KCNJ5: variants seen among roughly 807,000 people sequenced by gnomAD.
The protein encoded by KCNJ5 is potassium inwardly rectifying channel subfamily J member 5.
KCNJ5 carries 12 observed loss-of-function variants against 20.2 expected under a neutral mutation model. The ratio of observed to expected loss-of-function variants is 0.59; its 90% CI spans 0.38 to 0.96. The LOEUF is 0.96. Ranked by LOEUF, KCNJ5 falls within the 40% of genes least tolerant of loss-of-function variation. The pLI, the probability that KCNJ5 is intolerant of heterozygous loss-of-function variation, is 0.00. For missense variants in KCNJ5, 449 were observed against 557.6 expected (o/e 0.81, Z 1.96); for synonymous variants, 210 against 213.9 (o/e 0.98, Z 0.16).
intron 2 of KCNJ5, among the ~76,000 whole-genome samples, chr11:128,915,791 TTGGATGGATGGATGGA>T (rs199516705): frequency 5.0e-4 from 74 of 148,058 alleles, no homozygotes; most frequent in South Asian, 2.6e-3. Flanking sequence ...GTATGGATAA[TTGGATGGATGGATGGA>T]TGGATGGATG....
At chr11:128,897,816 C>T (rs570173106) in intron 1 of KCNJ5, among the ~76,000 whole-genome samples, 1 of 152,302 alleles carries the variant, frequency 6.6e-6, no homozygotes, top group East Asian at 1.9e-4. Context: ...TTTGAATTAA[C>T]TTTGGTATAA....
chr11:128,909,653 C>A (rs1159277379), intron 1 of KCNJ5, among the ~76,000 whole-genome samples: 2 of 152,174 alleles, frequency 1.3e-5, no homozygotes, highest in Admixed American at 6.5e-5. Context: ...GGGCTCAGGC[C>A]TGCAGGAAAA....
At position 128,911,408 on chromosome 11, in the gene KCNJ5, G is replaced by A; in HGVS notation, c.135G>A (p.Glu45=). The A allele has an allele frequency of 1.9e-6, 3 of 1,614,266 alleles. No homozygotes were observed. The highest frequency in any genetic ancestry group is 2.5e-6 in the Non-Finnish European group (3 of 1,180,054). The change falls in exon 2 of 3, where the codon GAG becomes GAA. Residue 45 remains glutamate (E), a synonymous_variant. Coordinates refer to ENST00000529694, the MANE Select transcript of KCNJ5 (RefSeq NM_000890.5). The surrounding 1 kb of genome is among the most constrained non-coding windows in gnomAD (Gnocchi z 6.3). ...CAGACCGTACGCGCCTGCTGGCCGA[G>A]GGCAAGAAGCCACGCCAGCGCTACA... ...IATDRTRLLA[E]GKKPRQRYME... is the part of the protein sequence containing the mutation.
intron 2 of KCNJ5, among the ~76,000 whole-genome samples, chr11:128,912,504 T>G (rs914095976): frequency 3.9e-5 from 2 of 51,584 alleles, no homozygotes; most frequent in African/African-American, 2.0e-4. Context: ...ATTGTTGTTG[T>G]TGTTTTGTTT....
Position 128,891,363 on chromosome 11 carries a change from C to A in KCNJ5, c.-369C>A, listed in dbSNP as rs1394661854. 4 of 141,192 alleles carry A rather than the reference C, an allele frequency of 2.8e-5. No homozygotes were observed. Among genetic ancestry groups the A allele is most frequent in the Non-Finnish European group, 4.5e-5 (3 of 65,982 alleles). 8.7% of individuals were successfully genotyped at this position (141,192 alleles called of 1,614,324 possible). The stretch of plus-strand genomic sequence containing the variant: ...GTTACTACCCAGAGATTCATTTGTA[C>A]CAGGGACGGAGGGAGAGAGGAGAGG... On this transcript the variant is annotated 5_prime_UTR_variant, in exon 1 of 3. Transcript: ENST00000529694.
Position 128,911,963 on chromosome 11 carries a change from G to C in KCNJ5, c.690G>C (p.Val230=), listed in dbSNP as rs144539417. ...RVGDLRNSHI[V]EASIRAKLIK... ...GCGACCTCCGCAACTCCCACATCGT[G>C]GAGGCCTCCATCCGGGCCAAGCTCA... Residue 230 remains valine (V), a synonymous_variant, in exon 2 of 3, where the codon GTG becomes GTC. Coordinates refer to ENST00000529694, the MANE Select transcript of KCNJ5 (RefSeq NM_000890.5). The surrounding 1 kb of genome is among the most constrained non-coding windows in gnomAD (Gnocchi z 6.3). 14 of 1,600,648 alleles carry C rather than the reference G, an allele frequency of 8.7e-6. No homozygotes were observed. The highest frequency in any genetic ancestry group is 1.2e-5 in the Non-Finnish European group (14 of 1,171,678).
In KCNJ5 at chr11:128,892,117, C is replaced by T. The variant is rs144842566; in HGVS notation, c.-11+396C>T. On this transcript the variant is annotated intron_variant, in intron 1 of 2. Coordinates refer to ENST00000529694, the MANE Select transcript of KCNJ5 (RefSeq NM_000890.5). ...GGGAGGGCCAGGATGGGGGGCGGTG[C>T]CCCCCTCAGCCTTAGATCCCCAGCC... 2.9e-3 allele frequency among the ~76,000 whole-genome samples: 444 copies of T among 152,318 alleles called. 1 individual carries two copies. The highest frequency in any genetic ancestry group is 0.01 in the African/African-American group (421 of 41,570).
intron 1 of KCNJ5, chr11:128,903,304 G>A (rs1427979102): frequency 1.3e-5 from 21 of 1,576,710 alleles, no homozygotes; most frequent in South Asian, 4.5e-5. Context: ...CTAATTGCAC[G>A]TGACCAAGAA....
rs1565540357 is a variant in KCNJ5 at position 128,891,423 on chromosome 11, C to CAGAGAGAGAGAG, written c.-308_-307insGAGAGAGAGAGA. 1 of 108,622 alleles carries CAGAGAGAGAGAG rather than the reference C, an allele frequency of 9.2e-6. No individual in the cohort carries two copies. Among genetic ancestry groups the CAGAGAGAGAGAG allele is most frequent in the Admixed American group, 9.3e-5 (1 of 10,776 alleles). 6.7% of individuals were successfully genotyped at this position (108,622 alleles called of 1,614,324 possible). A position where few individuals can be genotyped will look rare whatever the true frequency, so the allele number is the denominator to read the frequency against. On this transcript the variant is annotated 5_prime_UTR_variant, in exon 1 of 3. Transcript: ENST00000529694. ...ACACACACACACACACACACACACACACACACACACACACACACAGAGAGA... is the reference window on the plus strand; with the variant it reads ...ACACACACACACACACACACACACACAGAGAGAGAGAGACACACACACACACACACAGAGAGA...
intron 1 of KCNJ5, among the ~76,000 whole-genome samples, chr11:128,907,094 T>G (rs1027824733): frequency 1.5e-4 from 23 of 152,056 alleles, no homozygotes; most frequent in Admixed American, 1.5e-3. Flanking sequence ...CACAGAAGAG[T>G]ATACAAATAT....
In KCNJ5 at chr11:128,918,054, C is replaced by CAA. The variant is rs35006982; in HGVS notation, c.*1336_*1337dup. 15 of 97,458 alleles carry CAA rather than the reference C, an allele frequency of 1.5e-4. No individual in the cohort carries two copies. Among genetic ancestry groups the CAA allele is most frequent in the African/African-American group, 3.2e-4 (8 of 25,076 alleles). The allele number at this position is 97,458 out of a possible 1,614,324, so 6.0% of individuals were successfully genotyped here. A position where few individuals can be genotyped will look rare whatever the true frequency, so the allele number is the denominator to read the frequency against. ...TGGGCGACAGAGCGAGACTCCATCTCAAAAAAAAAAAAAACATCAGCATCT... is the reference window on the plus strand; with the variant it reads ...TGGGCGACAGAGCGAGACTCCATCTCAAAAAAAAAAAAAAAACATCAGCATCT... On this transcript the variant is annotated 3_prime_UTR_variant, in exon 3 of 3. Coordinates refer to ENST00000529694, the MANE Select transcript of KCNJ5 (RefSeq NM_000890.5).
chr11:128,899,129 A>AG (rs1286131048), intron 1 of KCNJ5, among the ~76,000 whole-genome samples: 1 of 152,178 alleles, frequency 6.6e-6, no homozygotes, highest in Non-Finnish European at 1.5e-5. Flanking sequence ...GTGTGAGTCA[A>AG]GGGCCACTCA....
rs35006982 is a variant in KCNJ5 at position 128,918,054 on chromosome 11, C to CA, written c.*1337dup. The CA allele has an allele frequency of 0.014, 1,326 of 97,392 alleles. 19 individuals are homozygous for CA. Among genetic ancestry groups the CA allele is most frequent in the African/African-American group, 0.046 (1,154 of 25,056 alleles). The allele number at this position is 97,392 out of a possible 1,614,324, so 6.0% of individuals were successfully genotyped here. A position where few individuals can be genotyped will look rare whatever the true frequency, so the allele number is the denominator to read the frequency against. On this transcript the variant is annotated 3_prime_UTR_variant, in exon 3 of 3. Coordinates refer to ENST00000529694, the MANE Select transcript of KCNJ5 (RefSeq NM_000890.5). Reference sequence around the variant, plus strand: ...TGGGCGACAGAGCGAGACTCCATCTCAAAAAAAAAAAAAACATCAGCATCT... The same window carrying CA: ...TGGGCGACAGAGCGAGACTCCATCTCAAAAAAAAAAAAAAACATCAGCATCT...
chr11:128,911,037 C>A lies in KCNJ5; in HGVS notation c.-10-227C>A. The A allele has an allele frequency of 1.8e-6, 1 of 567,234 alleles. No individual in the cohort carries two copies. The highest frequency in any genetic ancestry group is 3.1e-5 in the Admixed American group (1 of 32,136). 35.1% of individuals were successfully genotyped at this position (567,234 alleles called of 1,614,324 possible). On this transcript the variant is annotated intron_variant, in intron 1 of 2. Transcript: ENST00000529694. The surrounding 1 kb of genome is among the most constrained non-coding windows in gnomAD (Gnocchi z 6.3). ...AGATATTGTTCATTTATTCATTCAA[C>A]AAACAGCTAGCAAGCATCTATTTTG...
Position 128,918,345 on chromosome 11 carries a change from G to C in KCNJ5, c.*1614G>C, listed in dbSNP as rs1263834935. ...GGCAGGGTGAGTGTTAAGAAAAAAAGAGTAGAGAAGAGCCTGAAAATCAGC... is the reference window on the plus strand; with the variant it reads ...GGCAGGGTGAGTGTTAAGAAAAAAACAGTAGAGAAGAGCCTGAAAATCAGC... On this transcript the variant is annotated 3_prime_UTR_variant, in exon 3 of 3. Transcript: ENST00000529694. The C allele has an allele frequency of 6.6e-6, 1 of 152,222 alleles. No homozygotes were observed. The highest frequency in any genetic ancestry group is 1.9e-4 in the East Asian group (1 of 5,174). The allele number at this position is 152,222 out of a possible 1,614,324, so 9.4% of individuals were successfully genotyped here.
intron 1 of KCNJ5, among the ~76,000 whole-genome samples, chr11:128,895,507 G>A (rs1944162880): frequency 6.6e-6 from 1 of 152,180 alleles, no homozygotes; most frequent in Admixed American, 6.5e-5. Context: ...GAAGCCATGG[G>A]TGTCAGGCCC....
At chr11:128,894,174 T>C in intron 1 of KCNJ5, among the ~76,000 whole-genome samples, 1 of 111,174 alleles carries the variant, frequency 9.0e-6, no homozygotes, top group East Asian at 2.6e-4. Context: ...CTGCATCCAC[T>C]TCTGCATTGT....
At chr11:128,914,151 T>C (rs1474982020) in intron 2 of KCNJ5, among the ~76,000 whole-genome samples, 1 of 120,500 alleles carries the variant, frequency 8.3e-6, no homozygotes, top group Admixed American at 8.7e-5. Context: ...AGGGTCAGAA[T>C]CAGGACACAG....
intron 1 of KCNJ5, among the ~76,000 whole-genome samples, chr11:128,895,021 G>A (rs568258582): frequency 6.6e-6 from 1 of 151,976 alleles, no homozygotes; most frequent in Admixed American, 6.6e-5. Context: ...TTGGCAGGTG[G>A]CAACGGCACT....
Sources: gnomAD v4.1 joint callset for allele counts (sites outside exome capture counted in the v4.1 genomes callset) on GRCh38, gnomAD v4.1.1 for gene constraint, Gnocchi (gnomAD v3.1) non-coding constraint, MANE v1.5 for transcripts, NCBI Gene and HGNC (gene_info 2026-07-23, HGNC 2026-07-21) for gene names.